The following NTNG1 variants were observed in gnomAD, a reference collection of about 807,000 sequenced individuals.
NTNG1 encodes the protein netrin G1.
NTNG1 carries 16 observed loss-of-function variants against 54.0 expected under a neutral mutation model. The observed-to-expected ratio is 0.30, with a 90% CI of 0.20 to 0.45. The LOEUF is 0.45. Ranked by LOEUF, NTNG1 falls within the 20% of genes least tolerant of loss-of-function variation. The probability of loss-of-function intolerance (pLI) is 1.00; values close to 1 mark genes in which losing one functional copy is unlikely to be tolerated. For synonymous variants in NTNG1, 255 were observed against 263.1 expected, an observed-to-expected ratio of 0.97 and a Z score of 0.30; for missense variants, 530 against 678.7, an observed-to-expected ratio of 0.78 and a Z score of 2.43.
chr1:107,209,131 G>A (rs948365289), intron 2 of NTNG1, among the ~76,000 whole-genome samples: 4 of 150,486 alleles, frequency 2.7e-5, no homozygotes, highest in South Asian at 4.2e-4. Context: ...TCCTTACCTC[G>A]TTTAACTGCA....
intron 2 of NTNG1, among the ~76,000 whole-genome samples, chr1:107,180,402 C>G (rs916592215): frequency 6.6e-6 from 1 of 152,080 alleles, no homozygotes; most frequent in Admixed American, 6.6e-5. Context: ...CATTTTACAT[C>G]AAGACTCAGT....
At chr1:107,165,772 T>G (rs1655745836) in intron 2 of NTNG1, among the ~76,000 whole-genome samples, 1 of 152,196 alleles carries the variant, frequency 6.6e-6, no homozygotes, top group Admixed American at 6.5e-5. Flanking sequence ...GCCACATTTT[T>G]CTTATTTCCA....
chr1:107,380,781 C>T (rs952060667), intron 3 of NTNG1, among the ~76,000 whole-genome samples: 52 of 152,184 alleles, frequency 3.4e-4, no homozygotes, highest in Non-Finnish European at 6.2e-4. Context: ...CTGACCATAC[C>T]CTGACCATCC....
intron 3 of NTNG1, among the ~76,000 whole-genome samples, chr1:107,370,768 C>T (rs1005489374): frequency 6.6e-6 from 1 of 151,998 alleles, no homozygotes; most frequent in African/African-American, 2.4e-5. Flanking sequence ...CTTTAATTTG[C>T]CTCAGCAATT....
chr1:107,457,425 A>G (rs1316153788), intron 7 of NTNG1, among the ~76,000 whole-genome samples: 1 of 152,202 alleles, frequency 6.6e-6, no homozygotes, highest in Non-Finnish European at 1.5e-5. Context: ...ATAGATATAC[A>G]GATATGAGCA....
At chr1:107,321,262 G>T (rs1318395291) in intron 2 of NTNG1, among the ~76,000 whole-genome samples, 2 of 152,120 alleles carry the variant, frequency 1.3e-5, no homozygotes, top group Non-Finnish European at 2.9e-5. Flanking sequence ...TATCTTGAGA[G>T]CCAAGCTGAG....
At chr1:107,142,688 A>T (rs1036830324) in intron 1 of NTNG1, among the ~76,000 whole-genome samples, 1 of 151,418 alleles carries the variant, frequency 6.6e-6, no homozygotes, top group Non-Finnish European at 1.5e-5. Context: ...AAAAAAAAAA[A>T]CCCAGGAAGA....
At chr1:107,192,132 G>A (rs540936623) in intron 2 of NTNG1, among the ~76,000 whole-genome samples, 1 of 152,198 alleles carries the variant, frequency 6.6e-6, no homozygotes, top group South Asian at 2.1e-4. Flanking sequence ...TCTCCTTGAA[G>A]AGGTCCTTGA....
chr1:107,306,384 T>C (rs1373922218), intron 2 of NTNG1, among the ~76,000 whole-genome samples: 1 of 152,212 alleles, frequency 6.6e-6, no homozygotes, highest in Non-Finnish European at 1.5e-5. Flanking sequence ...ACATTTCAAG[T>C]GTTCAGTACC....
At chr1:107,334,830 T>C (rs1668487315) in intron 3 of NTNG1, among the ~76,000 whole-genome samples, 1 of 151,940 alleles carries the variant, frequency 6.6e-6, no homozygotes, top group South Asian at 2.1e-4. Flanking sequence ...GAGAGAATGA[T>C]TGCAGAATAT....
At chr1:107,217,531 A>C (rs1347379741) in intron 2 of NTNG1, among the ~76,000 whole-genome samples, 1 of 151,978 alleles carries the variant, frequency 6.6e-6, no homozygotes, top group Non-Finnish European at 1.5e-5. Context: ...CAGCTCCTTG[A>C]GGTGGGACCT....
chr1:107,159,932 T>G (rs1655287360), intron 2 of NTNG1, among the ~76,000 whole-genome samples: 1 of 152,230 alleles, frequency 6.6e-6, no homozygotes, highest in Non-Finnish European at 1.5e-5. Context: ...AATAAGCTGT[T>G]AGAAATCATA....
chr1:107,226,493 G>A (rs1482822946), intron 2 of NTNG1, among the ~76,000 whole-genome samples: 1 of 152,024 alleles, frequency 6.6e-6, no homozygotes, highest in Non-Finnish European at 1.5e-5. Context: ...ATGCCTCCAG[G>A]GCAATCGCAT....
chr1:107,413,434 C>T (rs576929337), intron 5 of NTNG1, among the ~76,000 whole-genome samples: 9 of 152,018 alleles, frequency 5.9e-5, no homozygotes, highest in African/African-American at 1.7e-4. Context: ...ATCCCAAGTG[C>T]GGTGTGTGCT....
intron 2 of NTNG1, among the ~76,000 whole-genome samples, chr1:107,208,703 G>T (rs965710285): frequency 3.9e-5 from 6 of 152,056 alleles, no homozygotes; most frequent in Admixed American, 3.3e-4. Context: ...ATTGTCCTTG[G>T]GTTAGGCATG....
intron 3 of NTNG1, among the ~76,000 whole-genome samples, chr1:107,367,828 C>G (rs1670690305): frequency 6.6e-6 from 1 of 152,024 alleles, no homozygotes; most frequent in African/African-American, 2.4e-5. Flanking sequence ...GTGGTGCGAT[C>G]TCAGCTCACT....
At chr1:107,363,019 G>A (rs1670385382) in intron 3 of NTNG1, among the ~76,000 whole-genome samples, 1 of 152,092 alleles carries the variant, frequency 6.6e-6, no homozygotes, top group African/African-American at 2.4e-5. Context: ...CTGGCTGACT[G>A]AATTTCTTAG....
intron 7 of NTNG1, among the ~76,000 whole-genome samples, chr1:107,451,977 G>C (rs1469476598): frequency 1.3e-5 from 2 of 152,124 alleles, no homozygotes; most frequent in Non-Finnish European, 2.9e-5. Context: ...CTCAGTAGCT[G>C]TCTCTTATGT....
chr1:107,394,269 A>G (rs902744933), intron 3 of NTNG1, among the ~76,000 whole-genome samples: 1 of 152,160 alleles, frequency 6.6e-6, no homozygotes, highest in Non-Finnish European at 1.5e-5. Context: ...ACAAATATCA[A>G]GTTAGCCACT....
Sources: gnomAD v4.1 joint callset for allele counts (sites outside exome capture counted in the v4.1 genomes callset) on GRCh38, gnomAD v4.1.1 for gene constraint, MANE v1.5 for transcripts, NCBI Gene and HGNC (gene_info 2026-07-23, HGNC 2026-07-21) for gene names.